MEAF6: variants seen among roughly 807,000 people sequenced by gnomAD.
MEAF6 encodes chromatin modification-related protein MEAF6.
A neutral mutation model predicts 28.9 loss-of-function variants in MEAF6; 15 were observed. The ratio of observed to expected loss-of-function variants is 0.52; its 90% CI spans 0.35 to 0.80. The LOEUF (loss-of-function observed/expected upper bound fraction) is 0.80. MEAF6 is among the 30% of genes least tolerant of loss of function. The probability of loss-of-function intolerance (pLI) is 0.01; values close to 1 mark genes in which losing one functional copy is unlikely to be tolerated. For synonymous variants in MEAF6, 97 were observed against 88.7 expected (o/e 1.09, Z -0.53); for missense variants, 178 against 237.5 (o/e 0.75, Z 1.65).
rs112642575 is a variant in MEAF6 at position 37,502,476 on chromosome 1, C to CA, written c.341-481dup. Among the ~76,000 whole-genome samples the CA allele has an allele frequency of 3.0e-3, 442 of 145,404 alleles. 3 individuals are homozygous for CA. The highest frequency in any genetic ancestry group is 4.7e-3 in the Non-Finnish European group (314 of 66,270). ...TACAAAAAAAACTACAGTGACTGTA[C>CA]AAAAAAAAAGGGGGGGCCAAAGAGG... On this transcript the variant is annotated intron_variant, in intron 4 of 6. Transcript: ENST00000296214.
chr1:37,497,576 G>GTATTTATTTATTTATTTATT (rs58313664), intron 5 of MEAF6, among the ~76,000 whole-genome samples: 6 of 149,732 alleles, frequency 4.0e-5, no homozygotes, highest in Non-Finnish European at 8.9e-5. Context: ...TGCAGCACCC[G>GTATTTATTTATTTATTTATT]TATTTATTTA....
rs187403136 is a variant in MEAF6, at chr1:37,490,737, C to G, written c.*3362G>C. Among the ~76,000 whole-genome samples the G allele has an allele frequency of 3.1e-3, 476 of 152,246 alleles. 2 individuals are homozygous for G. Among genetic ancestry groups the G allele is most frequent in the Middle Eastern group, 0.014 (4 of 294 alleles). On this transcript the variant is annotated 3_prime_UTR_variant, in exon 7 of 7. Transcript: ENST00000296214. ...TGATGTGAATTTTTAAGCAATAATG[C>G]CTCATTAGGCCGGGTGCAGTGGCTC...
In MEAF6 at chr1:37,492,581, A is replaced by AC. The variant is rs1641974026; in HGVS notation, c.*1517dup. On this transcript the variant is annotated 3_prime_UTR_variant, in exon 7 of 7. Coordinates refer to ENST00000296214, the MANE Select transcript of MEAF6 (RefSeq NM_001270875.3). ...GAGTCAAAAAAAAAAAAAAAAAAAA[A>AC]CCCACAAAAGTTTATTTGAGAACAA... is the stretch of plus-strand genomic sequence containing the variant. 1 of 149,924 alleles carries AC rather than the reference A, an allele frequency of 6.7e-6. No individual in the cohort carries two copies. The allele number at this position is 149,924 out of a possible 1,614,324, so 9.3% of individuals were successfully genotyped here.
chr1:37,513,688 A>G (rs1642739121), intron 1 of MEAF6, 150 bp from the exon 2 acceptor site: 1 of 671,448 alleles, frequency 1.5e-6, no homozygotes, highest in Non-Finnish European at 2.7e-6. Context: ...GGGGAGGAGG[A>G]GCCGTTTAGG....
Position 37,493,746 on chromosome 1 carries a change from CAG to C in MEAF6, c.*351_*352del. On this transcript the variant is annotated 3_prime_UTR_variant, in exon 7 of 7. Transcript: ENST00000296214. ...TTCTACTTTCAGCATAAAACAAAAC[CAG>C]AGAACATTTCTTGAAGGGTATCACA... The C allele has an allele frequency of 6.5e-7, 1 of 1,535,942 alleles. No homozygotes were observed. The highest frequency in any genetic ancestry group is 8.8e-7 in the Non-Finnish European group (1 of 1,134,506).
intron 5 of MEAF6, chr1:37,496,662 C>A (rs182502881): frequency 6.4e-6 from 10 of 1,554,976 alleles, no homozygotes; most frequent in African/African-American, 2.7e-5. Context: ...ATACTGGTGT[C>A]TACACACTAA....
intron 2 of MEAF6, among the ~76,000 whole-genome samples, chr1:37,512,692 C>T (rs1315271942): frequency 6.6e-6 from 1 of 152,002 alleles, no homozygotes; most frequent in Non-Finnish European, 1.5e-5. Context: ...GAGTTCCAGG[C>T]CTGCCTGAGC....
At chr1:37,494,249 C>A in intron 6 of MEAF6, 142 bp from the exon 7 acceptor site, 1 of 737,092 alleles carries the variant, frequency 1.4e-6, no homozygotes, top group Non-Finnish European at 2.3e-6. Context: ...GGCACAGTGG[C>A]TCACACCTGT....
chr1:37,495,527 A>G lies in MEAF6; in HGVS notation c.567+358T>C, dbSNP rs930493777. ...AGACTGGACATCATGGTGAAACCCC[A>G]TATCTACAAAAAATACAAAAATTAG... On this transcript the variant is annotated intron_variant, in intron 6 of 6. Transcript: ENST00000296214. 6.0e-5 allele frequency among the ~76,000 whole-genome samples: 9 copies of G among 151,086 alleles called. No individual in the cohort carries two copies. In the South Asian group the frequency reaches 6.3e-4, roughly 10 times the overall value.
Position 37,514,755 on chromosome 1 carries a change from G to T in MEAF6, c.-9C>A. 1.4e-6 allele frequency: 2 copies of T among 1,464,394 alleles called. No homozygotes were observed. The highest frequency in any genetic ancestry group is 1.8e-6 in the Non-Finnish European group (2 of 1,108,962). 90.7% of individuals were successfully genotyped at this position (1,464,394 alleles called of 1,614,324 possible). A position where few individuals can be genotyped will look rare whatever the true frequency, so the allele number is the denominator to read the frequency against. ...TTGTTGTGCATCGCCATGTTGGGCT[G>T]AGGCGGGCGGCGGCGGCGCGAGGTT... On this transcript the variant is annotated 5_prime_UTR_variant, in exon 1 of 7. Transcript: ENST00000296214.
rs764349687 is a variant in MEAF6 at position 37,513,897 on chromosome 1, A to G, written c.91-359T>C. On this transcript the variant is annotated intron_variant, in intron 1 of 6. Coordinates refer to ENST00000296214, the MANE Select transcript of MEAF6 (RefSeq NM_001270875.3). ...AAGGTATCGCTACCAGGAGAGGGAA[A>G]GGTGAGCAGCCTTTCAGCGTCAACT... The G allele has an allele frequency of 2.4e-4, 73 of 309,648 alleles. 1 individual carries two copies. The highest frequency in any genetic ancestry group is 2.3e-4 in the Non-Finnish European group (39 of 168,242). 19.2% of individuals were successfully genotyped at this position (309,648 alleles called of 1,614,324 possible). A position where few individuals can be genotyped will look rare whatever the true frequency, so the allele number is the denominator to read the frequency against.
intron 4 of MEAF6, among the ~76,000 whole-genome samples, chr1:37,507,131 C>T (rs1015015876): frequency 1.3e-5 from 2 of 152,068 alleles, no homozygotes; most frequent in Non-Finnish European, 2.9e-5. Context: ...ATCAGCCTGG[C>T]CAACATTGTG....
At chr1:37,497,298 C>T (rs943980744) in intron 5 of MEAF6, among the ~76,000 whole-genome samples, 4 of 151,822 alleles carry the variant, frequency 2.6e-5, no homozygotes, top group African/African-American at 7.3e-5. Context: ...AGTGCAGGGG[C>T]GGCGATCTTG....
chr1:37,494,396 T>G (rs559918890), intron 6 of MEAF6, among the ~76,000 whole-genome samples: 346 of 151,580 alleles, frequency 2.3e-3, no homozygotes, highest in Non-Finnish European at 4.1e-3. Context: ...GCACCTGTAA[T>G]TCCAGCTACT....
In MEAF6 at chr1:37,490,743, T is replaced by C. The variant is rs1641900034; in HGVS notation, c.*3356A>G. 6.6e-6 allele frequency among the ~76,000 whole-genome samples: 1 copy of C among 152,164 alleles called. No homozygotes were observed. The highest frequency in any genetic ancestry group is 6.5e-5 in the Admixed American group (1 of 15,284). ...GAATTTTTAAGCAATAATGCCTCAT[T>C]AGGCCGGGTGCAGTGGCTCACGCCT... On this transcript the variant is annotated 3_prime_UTR_variant, in exon 7 of 7. Transcript: ENST00000296214.
intron 6 of MEAF6, among the ~76,000 whole-genome samples, 178 bp downstream of exon 6, chr1:37,495,707 A>AAAAAAAAAAAAAAC (rs1642107037): frequency 1.0e-5 from 1 of 98,506 alleles, no homozygotes. Flanking sequence ...CAAAAAACAA[A>AAAAAAAAAAAAAAC]AAAAAAAAAA....
Position 37,491,915 on chromosome 1 carries a change from CTTTTT to C in MEAF6, c.*2179_*2183del, listed in dbSNP as rs1168160086. 7.5e-6 allele frequency among the ~76,000 whole-genome samples: 1 copy of C among 132,776 alleles called. No individual in the cohort carries two copies. 87.1% of individuals were successfully genotyped at this position (132,776 alleles called of 152,430 possible). A position where few individuals can be genotyped will look rare whatever the true frequency, so the allele number is the denominator to read the frequency against. On this transcript the variant is annotated 3_prime_UTR_variant, in exon 7 of 7. Transcript: ENST00000296214. Reference sequence around the variant, plus strand: ...CTTTTTAAGAGCAGTACTATTCTTTCTTTTTTTTTTTTTTTTTGACAGAGTCTCGC... The same window carrying C: ...CTTTTTAAGAGCAGTACTATTCTTTCTTTTTTTTTTTTGACAGAGTCTCGC...
chr1:37,513,731 A>C (rs1286574868), intron 1 of MEAF6, 193 bp from the exon 2 acceptor site: 2 of 597,022 alleles, frequency 3.3e-6, no homozygotes, highest in Admixed American at 2.9e-5. Context: ...GGGGTGATGG[A>C]CCCCTGAATG....
rs1438445644 is a variant in MEAF6 at position 37,490,050 on chromosome 1, T to C, written c.*4049A>G. On this transcript the variant is annotated 3_prime_UTR_variant, in exon 7 of 7. Transcript: ENST00000296214. The stretch of plus-strand genomic sequence containing the variant: ...ACCTACATGTACTAATGAACTAATA[T>C]TGATGTATATTTGATGTATATATAT... Among the ~76,000 whole-genome samples, 6 of 152,224 alleles carry C rather than the reference T, an allele frequency of 3.9e-5. No homozygotes were observed. The South Asian group carries it at 1.0e-3, about 26-fold the overall frequency.
Sources: gnomAD v4.1 joint callset for allele counts (sites outside exome capture counted in the v4.1 genomes callset) on GRCh38, gnomAD v4.1.1 for gene constraint, MANE v1.5 for transcripts, NCBI Gene and HGNC (gene_info 2026-07-23, HGNC 2026-07-21) for gene names.